Variants in FAM216A observed in about 807,000 individuals in gnomAD.
The protein encoded by FAM216A is family with sequence similarity 216 member A.
A neutral mutation model predicts 37.6 loss-of-function variants in FAM216A; 26 were observed. The observed-to-expected ratio is 0.69, with a 90% CI of 0.51 to 0.96. The LOEUF (loss-of-function observed/expected upper bound fraction) is 0.96. FAM216A is among the 40% of genes least tolerant of loss of function. FAM216A has a pLI of 0.00. For synonymous variants in FAM216A, 110 were observed against 121.7 expected, an observed-to-expected ratio of 0.90 and a Z score of 0.64; for missense variants, 326 against 339.3, an observed-to-expected ratio of 0.96 and a Z score of 0.31.
intron 1 of FAM216A, 78 bp from the exon 2 acceptor site, chr12:110,473,000 A>G: frequency 1.6e-6 from 1 of 620,102 alleles, no homozygotes; most frequent in Non-Finnish European, 2.6e-6. Context: ...AAAAAAAAAA[A>G]AAAATTGAAA....
chr12:110,470,048 C>T (rs1022680541), intron 1 of FAM216A, among the ~76,000 whole-genome samples: 62 of 152,180 alleles, frequency 4.1e-4, no homozygotes, highest in African/African-American at 1.5e-3. Context: ...GATATGTTTG[C>T]CGTTCAGTAC....
chr12:110,471,545 C>T (rs1592974232), intron 1 of FAM216A, among the ~76,000 whole-genome samples: 1 of 152,278 alleles, frequency 6.6e-6, no homozygotes, highest in Middle Eastern at 3.4e-3. Flanking sequence ...CTTCAAAACT[C>T]CCTCATACCT....
At chr12:110,489,092 C>T (rs2062794084) in intron 6 of FAM216A, among the ~76,000 whole-genome samples, 1 of 152,072 alleles carries the variant, frequency 6.6e-6, no homozygotes, top group Non-Finnish European at 1.5e-5. Flanking sequence ...CAAAATACTG[C>T]AAAATGAAAA....
upstream of FAM216A, chr12:110,468,501 C>T: frequency 1.3e-6 from 2 of 1,537,284 alleles, no homozygotes; most frequent in Non-Finnish European, 1.7e-6. Flanking sequence ...AGATAAAGCT[C>T]CGCATCCTTG....
chr12:110,487,000 G>C (rs763066558), intron 5 of FAM216A: 9 of 335,396 alleles, frequency 2.7e-5, no homozygotes, highest in African/African-American at 4.2e-5. Context: ...CAAAGCACTG[G>C]GATTACAGGC....
At chr12:110,482,256 A>G (rs1407681604) in intron 2 of FAM216A, among the ~76,000 whole-genome samples, 1 of 151,798 alleles carries the variant, frequency 6.6e-6, no homozygotes, top group Non-Finnish European at 1.5e-5. Flanking sequence ...TAACTTTTAT[A>G]TATTTTTAGT....
chr12:110,486,682 G>A lies in FAM216A; in HGVS notation c.585G>A (p.Gln195=), dbSNP rs770119878. ...AAASAPEMLI[Q]HSLWRPVRNK... ...CATCTGCACCTGAAATGCTCATACA[G>A]CATTCCCTTTGGCGGCCAGTGAGAA... is the stretch of plus-strand genomic sequence containing the variant. Residue 195 remains glutamine (Q), a synonymous_variant, in exon 5 of 7, where the codon CAG becomes CAA. Transcript: ENST00000377673. 6.2e-7 allele frequency: 1 copy of A among 1,614,050 alleles called. No individual in the cohort carries two copies. The highest frequency in any genetic ancestry group is 8.5e-7 in the Non-Finnish European group (1 of 1,180,002).
upstream of FAM216A, chr12:110,468,719 T>C (rs2062656873): frequency 4.0e-6 from 6 of 1,500,136 alleles, no homozygotes; most frequent in South Asian, 7.6e-5. Flanking sequence ...CTCCTGCCCC[T>C]CCCCCACCGT....
chr12:110,488,118 G>T (rs1374275929), intron 6 of FAM216A, among the ~76,000 whole-genome samples, 175 bp downstream of exon 6: 1 of 152,006 alleles, frequency 6.6e-6, no homozygotes, highest in African/African-American at 2.4e-5. Flanking sequence ...GCAATTAAAA[G>T]AACATACTGG....
At position 110,485,142 on chromosome 12, in the gene FAM216A, T is replaced by C. The variant is rs921172394; in HGVS notation, c.249T>C (p.Thr83=). The change falls in exon 3 of 7, where the codon ACT becomes ACC. Residue 83 remains threonine (T), a synonymous_variant. Coordinates refer to ENST00000377673, the MANE Select transcript of FAM216A (RefSeq NM_013300.3). Reference sequence around the variant, plus strand: ...CTAAGCTGCAAGAGTTATGGAAAACTCCCCAAAATCAAACAATCCACCTCT... The same window carrying C: ...CTAAGCTGCAAGAGTTATGGAAAACCCCCCAAAATCAAACAATCCACCTCT... ...HIAKLQELWK[T]PQNQTIHLSK... 5 of 1,612,824 alleles carry C rather than the reference T, an allele frequency of 3.1e-6. No individual in the cohort carries two copies. The African/African-American group carries it at 5.3e-5, about 17-fold the overall frequency.
At chr12:110,476,275 C>G (rs1243076720) in intron 2 of FAM216A, among the ~76,000 whole-genome samples, 2 of 151,622 alleles carry the variant, frequency 1.3e-5, no homozygotes, top group Non-Finnish European at 2.9e-5. Flanking sequence ...TCTCGGCTCA[C>G]TGCAAGCTCT....
At position 110,484,988 on chromosome 12, in the gene FAM216A, C is replaced by G. The variant is rs542119228; in HGVS notation, c.185-90C>G. On this transcript the variant is annotated intron_variant, in intron 2 of 6. Transcript: ENST00000377673. ...GTGCTGGGATTACAGGCGTGAGCCA[C>G]CACACCCGGCCTAAATATCTAGATC... 138 of 1,387,022 alleles carry G rather than the reference C, an allele frequency of 9.9e-5. No individual in the cohort carries two copies. The African/African-American group carries it at 1.8e-3, about 18-fold the overall frequency. The allele number at this position is 1,387,022 out of a possible 1,614,324, so 85.9% of individuals were successfully genotyped here. A position where few individuals can be genotyped will look rare whatever the true frequency, so the allele number is the denominator to read the frequency against.
rs755062314 is a variant in FAM216A at position 110,485,079 on chromosome 12, T to C, written c.186T>C (p.Asp62=). The C allele has an allele frequency of 1.3e-5, 21 of 1,602,708 alleles. No individual in the cohort carries two copies. The highest frequency in any genetic ancestry group is 2.7e-5 in the African/African-American group (2 of 74,100). The change falls in exon 3 of 7, where the codon GAT becomes GAC. Residue 62 remains aspartate (D), a splice_region_variant and synonymous_variant. Coordinates refer to ENST00000377673, the MANE Select transcript of FAM216A (RefSeq NM_013300.3). The part of the protein sequence containing the change: ...YSCYQNSKGS[D]RIKDGYKVNS... ...TTCACATGATGTCTTTGCCTACAGATAGAATCAAAGATGGATACAAAGTGA... is the reference window on the plus strand; with the variant it reads ...TTCACATGATGTCTTTGCCTACAGACAGAATCAAAGATGGATACAAAGTGA...
intron 2 of FAM216A, 56 bp from the exon 3 acceptor site, chr12:110,485,022 T>G: frequency 6.4e-7 from 1 of 1,559,676 alleles, no homozygotes. Flanking sequence ...TCTTAATAAT[T>G]CAGTTTGTTG....
upstream of FAM216A, chr12:110,468,634 C>T: frequency 2.6e-6 from 4 of 1,537,218 alleles, no homozygotes; most frequent in Non-Finnish European, 3.5e-6. Context: ...TTTTGGGGAG[C>T]ATGTATATTT....
In FAM216A at chr12:110,486,523, T is replaced by G; in HGVS notation, c.437-11T>G. 6.2e-7 allele frequency: 1 copy of G among 1,609,524 alleles called. No homozygotes were observed. Among genetic ancestry groups the G allele is most frequent in the Non-Finnish European group, 8.5e-7 (1 of 1,176,554 alleles). ...GTGAGAGGGTCTTTTAACAGGTGAT[T>G]TGTATCACAGGTGTCCTCACTCATC... is the stretch of plus-strand genomic sequence containing the variant. On this transcript the variant is annotated splice_polypyrimidine_tract_variant and intron_variant, in intron 4 of 6. Transcript: ENST00000377673.
At chr12:110,479,739 G>A (rs1393802650) in intron 2 of FAM216A, among the ~76,000 whole-genome samples, 1 of 151,844 alleles carries the variant, frequency 6.6e-6, no homozygotes, top group Admixed American at 6.6e-5. Context: ...TTGGGAGACT[G>A]AGGCAGGAGA....
intron 6 of FAM216A, among the ~76,000 whole-genome samples, 191 bp downstream of exon 6, chr12:110,488,134 G>C (rs2062787022): frequency 6.6e-6 from 1 of 152,070 alleles, no homozygotes. Context: ...ACTGGGCCAG[G>C]CGCCACGGCT....
chr12:110,489,447 T>C (rs1480873759), intron 6 of FAM216A, among the ~76,000 whole-genome samples: 3 of 149,514 alleles, frequency 2.0e-5, no homozygotes, highest in African/African-American at 7.5e-5. Context: ...GAGCTTACAG[T>C]GAGCCAAGAT....
Sources: allele counts gnomAD v4.1 joint callset (sites outside exome capture counted in the v4.1 genomes callset), GRCh38; gene constraint gnomAD v4.1.1; transcripts MANE v1.5; gene names NCBI Gene and HGNC (gene_info 2026-07-23, HGNC 2026-07-21).